The following GRID2 variants were observed in gnomAD, a reference collection of about 807,000 sequenced individuals.
The protein encoded by GRID2 is glutamate receptor ionotropic, delta-2.
In GRID2, 33 loss-of-function variants were observed where a neutral mutation model predicts 114.8. That is an observed-to-expected ratio of 0.29 (90% CI 0.22 to 0.38). The LOEUF (loss-of-function observed/expected upper bound fraction) is 0.38. Ranked by LOEUF, GRID2 falls within the 10% of genes least tolerant of loss-of-function variation. The pLI, the probability that GRID2 is intolerant of heterozygous loss-of-function variation, is 1.00. For synonymous variants in GRID2, 505 were observed against 449.9 expected (o/e 1.12, Z -1.55); for missense variants, 1,184 against 1,257.7 (o/e 0.94, Z 0.89).
At chr4:93,573,169 G>A (rs1405209824) in intron 13 of GRID2, among the ~76,000 whole-genome samples, 1 of 152,104 alleles carries the variant, frequency 6.6e-6, no homozygotes, top group African/African-American at 2.4e-5. Flanking sequence ...TTAACTTTGA[G>A]TTTTTATTGT....
At chr4:93,267,854 C>A (rs901432158) in intron 8 of GRID2, among the ~76,000 whole-genome samples, 1 of 152,156 alleles carries the variant, frequency 6.6e-6, no homozygotes, top group African/African-American at 2.4e-5. Flanking sequence ...CCCATACAGC[C>A]CTCTCTGAGC....
At position 92,957,583 on chromosome 4, in the gene GRID2, A is replaced by G. The variant is rs139189534; in HGVS notation, c.245-127412A>G. ...ATAACAAACTTTTGAGTCAGGTAGT[A>G]TCAGTCTTCCATTTTTTTTTTCTTC... On this transcript the variant is annotated intron_variant, in intron 2 of 15. Transcript: ENST00000282020. Among the ~76,000 whole-genome samples, 152 of 152,090 alleles carry G rather than the reference A, an allele frequency of 1.0e-3. 1 individual carries two copies. In the Middle Eastern group the frequency reaches 0.01, roughly 10 times the overall value.
chr4:93,351,009 A>T (rs749360367), intron 8 of GRID2, among the ~76,000 whole-genome samples: 2 of 151,764 alleles, frequency 1.3e-5, no homozygotes, highest in Non-Finnish European at 2.9e-5. Flanking sequence ...GTGCAGGGGA[A>T]CTCCCATTTA....
chr4:92,400,890 T>C (rs2110280485), intron 1 of GRID2, among the ~76,000 whole-genome samples: 1 of 152,310 alleles, frequency 6.6e-6, no homozygotes, highest in Non-Finnish European at 1.5e-5. Flanking sequence ...GCCACTTGTA[T>C]ATCTTTCTTG....
At chr4:92,983,016 T>C (rs1470357083) in intron 2 of GRID2, among the ~76,000 whole-genome samples, 1 of 152,026 alleles carries the variant, frequency 6.6e-6, no homozygotes, top group Non-Finnish European at 1.5e-5. Context: ...GCTCTGATTA[T>C]AGGAAGCCAA....
chr4:92,499,752 T>A (rs1331403391), intron 1 of GRID2, among the ~76,000 whole-genome samples: 2 of 152,114 alleles, frequency 1.3e-5, no homozygotes, highest in Admixed American at 1.3e-4. Flanking sequence ...GTAGCTGGAA[T>A]TACAGGGACG....
At chr4:92,529,346 C>T (rs979654882) in intron 1 of GRID2, among the ~76,000 whole-genome samples, 3 of 152,042 alleles carry the variant, frequency 2.0e-5, no homozygotes, top group African/African-American at 7.2e-5. Flanking sequence ...TATACAATCA[C>T]AGAGTCTTCC....
chr4:92,882,293 AC>A (rs1746084351), intron 2 of GRID2, among the ~76,000 whole-genome samples: 1 of 152,224 alleles, frequency 6.6e-6, no homozygotes, highest in African/African-American at 2.4e-5. Flanking sequence ...AGACAAGAAT[AC>A]CATTTAGCCA....
chr4:92,620,627 T>A (rs1446608381), intron 2 of GRID2, among the ~76,000 whole-genome samples: 1 of 151,766 alleles, frequency 6.6e-6, no homozygotes, highest in African/African-American at 2.4e-5. Flanking sequence ...TATAATTAGA[T>A]ATAGTTATGA....
chr4:93,196,648 A>G (rs1023975813), intron 4 of GRID2, among the ~76,000 whole-genome samples: 1 of 152,146 alleles, frequency 6.6e-6, no homozygotes, highest in Non-Finnish European at 1.5e-5. Context: ...AAGCTACACA[A>G]AGACTTTCAT....
intron 2 of GRID2, among the ~76,000 whole-genome samples, chr4:92,918,171 A>G (rs1748976641): frequency 6.6e-6 from 1 of 152,080 alleles, no homozygotes; most frequent in African/African-American, 2.4e-5. Context: ...TTGGTGTATA[A>G]GAATGATTGT....
chr4:93,180,340 A>T (rs1309086878), intron 4 of GRID2, among the ~76,000 whole-genome samples: 1 of 152,110 alleles, frequency 6.6e-6, no homozygotes, highest in Non-Finnish European at 1.5e-5. Context: ...CATTAGAAAT[A>T]ATTTATTGCT....
chr4:93,244,966 C>A (rs1748035758), intron 8 of GRID2, among the ~76,000 whole-genome samples: 1 of 151,646 alleles, frequency 6.6e-6, no homozygotes, highest in Non-Finnish European at 1.5e-5. Flanking sequence ...GAAAATCTGC[C>A]ATAGTTATTT....
intron 2 of GRID2, among the ~76,000 whole-genome samples, chr4:92,675,815 A>C (rs1472681877): frequency 6.6e-6 from 1 of 151,930 alleles, no homozygotes; most frequent in African/African-American, 2.4e-5. Flanking sequence ...CAGCCTCCCA[A>C]AGTGCTGGGA....
rs578146557 is a variant in GRID2 at position 92,750,372 on chromosome 4, G to A, written c.244+160086G>A. On this transcript the variant is annotated intron_variant, in intron 2 of 15. Coordinates refer to ENST00000282020, the MANE Select transcript of GRID2 (RefSeq NM_001510.4). ...TTTGCCTCCTGCCTATTCTACTTTC[G>A]CTAAGCCCTTAGGATCGATAATTAA... 6.6e-4 allele frequency among the ~76,000 whole-genome samples: 100 copies of A among 152,170 alleles called. 3 individuals are homozygous for A. In the South Asian group the frequency reaches 0.014, roughly 21 times the overall value.
intron 4 of GRID2, among the ~76,000 whole-genome samples, chr4:93,189,255 A>G (rs541570685): frequency 2.6e-5 from 4 of 150,960 alleles, no homozygotes; most frequent in Non-Finnish European, 4.4e-5. Context: ...ATTGCTCACA[A>G]TTATGGAGAC....
intron 14 of GRID2, among the ~76,000 whole-genome samples, chr4:93,645,480 G>T (rs1722025133): frequency 6.6e-6 from 1 of 152,126 alleles, no homozygotes; most frequent in Non-Finnish European, 1.5e-5. Context: ...AAAAGCCAAA[G>T]ATAGCCAATG....
chr4:92,999,256 G>A (rs1445679325), intron 2 of GRID2, among the ~76,000 whole-genome samples: 2 of 151,784 alleles, frequency 1.3e-5, no homozygotes, highest in Non-Finnish European at 2.9e-5. Flanking sequence ...ATTTGTAATT[G>A]CACCATGTAT....
intron 2 of GRID2, among the ~76,000 whole-genome samples, chr4:92,626,774 A>G (rs1041201778): frequency 6.6e-5 from 10 of 152,086 alleles, no homozygotes; most frequent in African/African-American, 2.4e-4. Context: ...TCACAAAACA[A>G]TTATCAAATA....
Sources: gnomAD v4.1 joint callset for allele counts (sites outside exome capture counted in the v4.1 genomes callset) on GRCh38, gnomAD v4.1.1 for gene constraint, MANE v1.5 for transcripts, NCBI Gene and HGNC (gene_info 2026-07-23, HGNC 2026-07-21) for gene names.